The following CACNA2D3 variants were observed in gnomAD, a reference collection of about 807,000 sequenced individuals.
CACNA2D3 encodes the protein calcium voltage-gated channel auxiliary subunit alpha2delta 3, also known as voltage-dependent calcium channel subunit alpha-2/delta-3.
CACNA2D3 carries 60 observed loss-of-function variants against 160.6 expected under a neutral mutation model. The ratio of observed to expected loss-of-function variants is 0.37; its 90% CI spans 0.30 to 0.46. The LOEUF (loss-of-function observed/expected upper bound fraction) is 0.46. Among genes scored for constraint, CACNA2D3 ranks in the 20% least tolerant of loss-of-function variants. The probability of loss-of-function intolerance (pLI) is 1.00; values close to 1 mark genes in which losing one functional copy is unlikely to be tolerated. For synonymous variants in CACNA2D3, 558 were observed against 492.9 expected (o/e 1.13, Z -1.75); for missense variants, 1,205 against 1,365.0 (o/e 0.88, Z 1.85).
intron 10 of CACNA2D3, among the ~76,000 whole-genome samples, chr3:54,634,142 G>A (rs972248303): frequency 8.5e-5 from 13 of 152,202 alleles, no homozygotes; most frequent in African/African-American, 2.2e-4. Flanking sequence ...GCTTTATTAC[G>A]TCTCTCATTC....
chr3:54,435,819 A>G lies in CACNA2D3; in HGVS notation c.381+49045A>G, dbSNP rs1700050940. ...AGAGAAGCTATTATATAAACACTTC[A>G]AGAAGCAATTACAAATTCTCTGCAA... On this transcript the variant is annotated intron_variant, in intron 4 of 37. Transcript: ENST00000474759. Among the ~76,000 whole-genome samples, 3 of 152,264 alleles carry G rather than the reference A, an allele frequency of 2.0e-5. No individual in the cohort carries two copies. The South Asian group carries it at 6.2e-4, about 31-fold the overall frequency.
intron 27 of CACNA2D3, among the ~76,000 whole-genome samples, chr3:54,951,102 C>T (rs770373570): frequency 1.1e-4 from 16 of 152,196 alleles, no homozygotes; most frequent in Non-Finnish European, 2.2e-4. Context: ...AACGCTCCAA[C>T]TATAATATCA....
At chr3:55,053,598 CAAA>C (rs1402096222) in intron 35 of CACNA2D3, among the ~76,000 whole-genome samples, 2 of 151,852 alleles carry the variant, frequency 1.3e-5, no homozygotes, top group Admixed American at 6.6e-5. Flanking sequence ...TTTTTGCTAC[CAAA>C]AAATCCAAGT....
chr3:55,009,415 T>C lies in CACNA2D3; in HGVS notation c.2847T>C (p.Ser949=), dbSNP rs1241628755. The C allele has an allele frequency of 6.2e-7, 1 of 1,613,928 alleles. No homozygotes were observed. Among genetic ancestry groups the C allele is most frequent in the East Asian group, 2.2e-5 (1 of 44,864 alleles). The change falls in exon 34 of 38, where the codon AGT becomes AGC. Residue 949 remains serine, a synonymous_variant. Transcript: ENST00000474759. ...TCCTGGTGGAATTTAACCTCTGCAG[T>C]TGGTGGCACTCCGATATGACAGCTA... The part of the protein sequence containing the change: ...VLFLVEFNLC[S]WWHSDMTAKA...
intron 27 of CACNA2D3, chr3:54,928,018 T>C: frequency 9.6e-7 from 1 of 1,045,362 alleles, no homozygotes. Context: ...TTACATTCAG[T>C]CTTTCTGAAC....
At chr3:55,051,342 G>A (rs1319949869) in intron 35 of CACNA2D3, among the ~76,000 whole-genome samples, 1 of 151,928 alleles carries the variant, frequency 6.6e-6, no homozygotes, top group Non-Finnish European at 1.5e-5. Flanking sequence ...CTCAGCTGCA[G>A]GTCTGTTGGA....
At chr3:54,954,726 G>C (rs912307687) in intron 27 of CACNA2D3, among the ~76,000 whole-genome samples, 6 of 152,168 alleles carry the variant, frequency 3.9e-5, no homozygotes, top group African/African-American at 1.4e-4. Context: ...CAAAAATCCA[G>C]AATCTGCTTC....
chr3:54,270,869 T>C (rs1189523913), intron 2 of CACNA2D3, among the ~76,000 whole-genome samples: 1 of 152,232 alleles, frequency 6.6e-6, no homozygotes, highest in East Asian at 1.9e-4. Context: ...TTCAAAACAG[T>C]GCACTGAGTC....
chr3:54,827,427 G>T (rs1231031939), intron 14 of CACNA2D3, among the ~76,000 whole-genome samples: 1 of 152,240 alleles, frequency 6.6e-6, no homozygotes, highest in African/African-American at 2.4e-5. Flanking sequence ...GACTCAGCAA[G>T]TTTGAGTAAC....
At chr3:54,474,778 A>G (rs1485067315) in intron 4 of CACNA2D3, among the ~76,000 whole-genome samples, 2 of 152,110 alleles carry the variant, frequency 1.3e-5, no homozygotes, top group Non-Finnish European at 2.9e-5. Flanking sequence ...GCAAGTTTGA[A>G]TTGAACTTTT....
chr3:54,812,473 C>CAGAACAAATGTCTGT lies in CACNA2D3; in HGVS notation c.1381-4379_1381-4365dup, dbSNP rs1703343198. On this transcript the variant is annotated intron_variant, in intron 13 of 37. Transcript: ENST00000474759. ...TAGGAAGAGCTCCAGGATGAGAGGA[C>CAGAACAAATGTCTGT]AGAACAAATGTCTGTGACCAGAGAG... is the stretch of plus-strand genomic sequence containing the variant. Among the ~76,000 whole-genome samples, 7 of 152,264 alleles carry CAGAACAAATGTCTGT rather than the reference C, an allele frequency of 4.6e-5. No homozygotes were observed. In the South Asian group the frequency reaches 1.5e-3, roughly 32 times the overall value.
intron 2 of CACNA2D3, among the ~76,000 whole-genome samples, chr3:54,183,994 C>T (rs1700833921): frequency 6.7e-6 from 1 of 149,588 alleles, no homozygotes; most frequent in Non-Finnish European, 1.5e-5. Flanking sequence ...CAGGAATCAT[C>T]TGCTTTTTCC....
At chr3:54,190,019 A>C (rs867447146) in intron 2 of CACNA2D3, among the ~76,000 whole-genome samples, 1 of 152,216 alleles carries the variant, frequency 6.6e-6, no homozygotes, top group Non-Finnish European at 1.5e-5. Flanking sequence ...TATTTGTCCC[A>C]GTTCTGAAAG....
intron 14 of CACNA2D3, among the ~76,000 whole-genome samples, chr3:54,836,566 C>T (rs1039418333): frequency 3.9e-5 from 6 of 152,140 alleles, no homozygotes; most frequent in East Asian, 1.9e-4. Context: ...AAATGATTAC[C>T]TTCTTCATCA....
At chr3:54,791,262 C>T (rs1702752755) in intron 13 of CACNA2D3, among the ~76,000 whole-genome samples, 1 of 152,184 alleles carries the variant, frequency 6.6e-6, no homozygotes, top group Non-Finnish European at 1.5e-5. Flanking sequence ...GGGTTACACC[C>T]ATTTATTATT....
intron 13 of CACNA2D3, among the ~76,000 whole-genome samples, chr3:54,814,990 A>G (rs562079680): frequency 1.3e-5 from 2 of 152,360 alleles, no homozygotes; most frequent in East Asian, 3.9e-4. Context: ...CTAAGAAAAT[A>G]TACATTTTTC....
chr3:54,474,294 G>A (rs7632900), intron 4 of CACNA2D3, among the ~76,000 whole-genome samples: 150,753 of 152,188 alleles, frequency 0.99, 74,680 homozygotes, highest in Middle Eastern at 1. Context: ...AAACTAACAC[G>A]GGAACTGAAA....
chr3:54,939,559 G>T (rs1415323372), intron 27 of CACNA2D3, among the ~76,000 whole-genome samples: 4 of 152,242 alleles, frequency 2.6e-5, no homozygotes, highest in African/African-American at 9.6e-5. Context: ...TGTGGCCAGG[G>T]ATTGGGCAAA....
At chr3:54,482,240 TTTG>T (rs1350919894) in intron 4 of CACNA2D3, among the ~76,000 whole-genome samples, 2 of 152,174 alleles carry the variant, frequency 1.3e-5, no homozygotes, top group Non-Finnish European at 2.9e-5. Context: ...AGTTGAAATT[TTTG>T]TTGTTGTATT....
Sources: allele counts gnomAD v4.1 joint callset (sites outside exome capture counted in the v4.1 genomes callset), GRCh38; gene constraint gnomAD v4.1.1; transcripts MANE v1.5; gene names NCBI Gene and HGNC (gene_info 2026-07-23, HGNC 2026-07-21).